Variants in SPATA16 observed in about 807,000 individuals in gnomAD.
SPATA16 encodes spermatogenesis associated 16.
In SPATA16, 36 loss-of-function variants were observed where a neutral mutation model predicts 63.3. The observed-to-expected ratio is 0.57, with a 90% CI of 0.44 to 0.75. The LOEUF is 0.75. Ranked by LOEUF, SPATA16 falls within the 30% of genes least tolerant of loss-of-function variation. The pLI, the probability that SPATA16 is intolerant of heterozygous loss-of-function variation, is 0.00. For missense variants in SPATA16, 646 were observed against 679.3 expected (o/e 0.95, Z 0.54); for synonymous variants, 203 against 216.7 (o/e 0.94, Z 0.56).
In SPATA16 at chr3:172,935,776, A is replaced by AT. The variant is rs200822793; in HGVS notation, c.1082-10285dup. Among the ~76,000 whole-genome samples, 7 of 151,694 alleles carry AT rather than the reference A, an allele frequency of 4.6e-5. No individual in the cohort carries two copies. In the East Asian group the frequency reaches 7.7e-4, roughly 17 times the overall value. On this transcript the variant is annotated intron_variant, in intron 6 of 10. Transcript: ENST00000351008. ...TGACTTGTTTGGGGCCTAGACTAGA[A>AT]TTTTTTTTTCCTCTGGGAATTTTCA... is the stretch of plus-strand genomic sequence containing the variant.
At chr3:173,062,104 G>A (rs534712837) in intron 2 of SPATA16, among the ~76,000 whole-genome samples, 1 of 144,100 alleles carries the variant, frequency 6.9e-6, no homozygotes, top group South Asian at 2.2e-4. Flanking sequence ...GGCCACCGTG[G>A]GTTCATTCCA....
chr3:172,996,863 G>A (rs781270077), intron 4 of SPATA16, among the ~76,000 whole-genome samples: 5 of 152,046 alleles, frequency 3.3e-5, no homozygotes, highest in Non-Finnish European at 5.9e-5. Context: ...GCCTTTTCCA[G>A]AATGTCATAT....
intron 3 of SPATA16, among the ~76,000 whole-genome samples, chr3:173,033,234 G>A (rs1735644011): frequency 6.6e-6 from 1 of 152,100 alleles, no homozygotes; most frequent in Admixed American, 6.6e-5. Flanking sequence ...CTGTAATTGT[G>A]TCTTTCCATT....
intron 2 of SPATA16, among the ~76,000 whole-genome samples, chr3:173,096,080 T>G (rs1737343260): frequency 1.3e-5 from 2 of 152,038 alleles, no homozygotes; most frequent in African/African-American, 2.4e-5. Flanking sequence ...AATAAAGAGC[T>G]TTCTGATTTT....
At chr3:173,114,413 G>A (rs765177357) in intron 2 of SPATA16, among the ~76,000 whole-genome samples, 1 of 152,098 alleles carries the variant, frequency 6.6e-6, no homozygotes, top group Non-Finnish European at 1.5e-5. Flanking sequence ...TGGTGTGCTC[G>A]TGGAGACACT....
intron 4 of SPATA16, among the ~76,000 whole-genome samples, chr3:172,977,730 G>C (rs1052293578): frequency 5.9e-5 from 9 of 152,098 alleles, no homozygotes; most frequent in Admixed American, 1.3e-4. Context: ...TTCTCTGCTA[G>C]GTCTCTCTAT....
At chr3:172,903,750 G>A (rs1427142103) in intron 10 of SPATA16, among the ~76,000 whole-genome samples, 1 of 152,178 alleles carries the variant, frequency 6.6e-6, no homozygotes, top group Non-Finnish European at 1.5e-5. Flanking sequence ...AGGGAAGGAT[G>A]GTGAGGGAGG....
At chr3:172,959,787 CATATATATATATATATAT>C (rs66806016) in intron 5 of SPATA16, among the ~76,000 whole-genome samples, 1 of 135,534 alleles carries the variant, frequency 7.4e-6, no homozygotes, top group Non-Finnish European at 1.6e-5. Context: ...AGTAATATAA[CATATATATATATATATAT>C]ATATATATAT....
chr3:173,120,776 A>G (rs1738041388), intron 1 of SPATA16, among the ~76,000 whole-genome samples: 2 of 151,830 alleles, frequency 1.3e-5, no homozygotes, highest in Admixed American at 6.6e-5. Context: ...TCCCACTCCA[A>G]TTCTCTTCCC....
At chr3:173,096,417 A>G (rs1350558105) in intron 2 of SPATA16, among the ~76,000 whole-genome samples, 1 of 152,156 alleles carries the variant, frequency 6.6e-6, no homozygotes, top group African/African-American at 2.4e-5. Flanking sequence ...GTGAAATAAT[A>G]GACATAGAAA....
rs1187440704 is a variant in SPATA16 at position 173,074,302 on chromosome 3, G to A, written c.613-25208C>T. The stretch of plus-strand genomic sequence containing the variant: ...AAATGTGAGGACATGAGATTTGGGA[G>A]GGGCTAGGGGTGAAATGATATGGTT... On this transcript the variant is annotated intron_variant, in intron 2 of 10. Transcript: ENST00000351008. Among the ~76,000 whole-genome samples, 6 of 152,136 alleles carry A rather than the reference G, an allele frequency of 3.9e-5. No individual in the cohort carries two copies. The South Asian group carries it at 1.2e-3, about 32-fold the overall frequency.
chr3:173,080,085 ATTTC>A (rs1171012165), intron 2 of SPATA16, among the ~76,000 whole-genome samples: 1 of 152,152 alleles, frequency 6.6e-6, no homozygotes, highest in African/African-American at 2.4e-5. Context: ...TGTGGTTTTA[ATTTC>A]TTTCTTCTTG....
intron 10 of SPATA16, among the ~76,000 whole-genome samples, chr3:172,907,095 G>C (rs886926646): frequency 6.6e-6 from 1 of 152,130 alleles, no homozygotes; most frequent in South Asian, 2.1e-4. Flanking sequence ...CTTTCAAAAG[G>C]CCTGTTCAAT....
At chr3:172,997,106 T>G (rs1428779208) in intron 4 of SPATA16, among the ~76,000 whole-genome samples, 1 of 152,126 alleles carries the variant, frequency 6.6e-6, no homozygotes, top group South Asian at 2.1e-4. Context: ...AGTGTGCAGG[T>G]TTTTGTGTGG....
rs1733605386 is a variant in SPATA16, at chr3:172,956,754, AT to A, written c.1003del (p.Ile335Ter). 6.2e-7 allele frequency: 1 copy of A among 1,613,314 alleles called. No individual in the cohort carries two copies. Reference protein sequence around the residue: ...SVMYTPFATKIRADKIEKVKD... With the variant: ...SVMYTPFATKXRADKIEKVKD... The stretch of plus-strand genomic sequence containing the variant: ...TACTTTTTCTATTTTATCAGCTCTT[AT>A]TTTTGTCGCAAATGGTGTGTACATA... On this transcript the variant is annotated frameshift_variant, in exon 6 of 11. Coordinates refer to ENST00000351008, the MANE Select transcript of SPATA16 (RefSeq NM_031955.6). LOFTEE classifies it high-confidence loss of function.
intron 2 of SPATA16, among the ~76,000 whole-genome samples, chr3:173,115,637 T>C (rs977659083): frequency 6.6e-6 from 1 of 152,216 alleles, no homozygotes; most frequent in African/African-American, 2.4e-5. Flanking sequence ...TATAGATGCA[T>C]CTATTTGTGT....
intron 2 of SPATA16, among the ~76,000 whole-genome samples, chr3:173,101,177 A>T (rs546924610): frequency 6.6e-6 from 1 of 152,026 alleles, no homozygotes; most frequent in South Asian, 2.1e-4. Context: ...TTACATATTG[A>T]CCTCACCTGG....
intron 2 of SPATA16, among the ~76,000 whole-genome samples, chr3:173,088,068 T>TTCTG (rs1382402547): frequency 6.1e-5 from 8 of 130,824 alleles, no homozygotes; most frequent in Admixed American, 1.6e-4. Context: ...CTTTCTTTCT[T>TTCTG]TCTTTCTTTC....
chr3:173,062,317 A>G (rs1736400113), intron 2 of SPATA16, among the ~76,000 whole-genome samples: 1 of 152,234 alleles, frequency 6.6e-6, no homozygotes, highest in Non-Finnish European at 1.5e-5. Context: ...GTTTTAACTC[A>G]TAAGAGTAAT....
Sources: gnomAD v4.1 joint callset for allele counts (sites outside exome capture counted in the v4.1 genomes callset) on GRCh38, gnomAD v4.1.1 for gene constraint, MANE v1.5 for transcripts, NCBI Gene and HGNC (gene_info 2026-07-23, HGNC 2026-07-21) for gene names.